Variants in DCC observed in about 807,000 individuals in gnomAD.
DCC encodes the protein DCC netrin 1 receptor.
DCC carries 58 observed loss-of-function variants against 172.5 expected under a neutral mutation model. That is an observed-to-expected ratio of 0.34 (90% confidence interval 0.27 to 0.42). The LOEUF (loss-of-function observed/expected upper bound fraction) is 0.42. Among genes scored for constraint, DCC ranks in the 10% least tolerant of loss-of-function variants. The pLI is 1.00. For synonymous variants in DCC, 709 were observed against 644.5 expected (o/e 1.10, Z -1.52); for missense variants, 1,740 against 1,791.0 (o/e 0.97, Z 0.51).
At chr18:52,374,762 T>C (rs1474244662) in intron 1 of DCC, among the ~76,000 whole-genome samples, 1 of 152,196 alleles carries the variant, frequency 6.6e-6, no homozygotes, top group African/African-American at 2.4e-5. Flanking sequence ...CCATTAGTCT[T>C]TAGTCAGAGC....
intron 2 of DCC, among the ~76,000 whole-genome samples, chr18:52,897,687 T>C (rs4940222): frequency 0.57 from 86,117 of 151,740 alleles, 24,797 homozygotes; most frequent in Middle Eastern, 0.62. Context: ...ATTCATTTGG[T>C]CATGTGATTG....
At chr18:52,953,126 C>T (rs2040685247) in intron 5 of DCC, among the ~76,000 whole-genome samples, 1 of 151,792 alleles carries the variant, frequency 6.6e-6, no homozygotes, top group Non-Finnish European at 1.5e-5. Context: ...GCTCAATCCC[C>T]AAGCAGTAAC....
chr18:52,690,843 G>C (rs527871660), intron 1 of DCC, among the ~76,000 whole-genome samples: 1 of 152,246 alleles, frequency 6.6e-6, no homozygotes, highest in South Asian at 2.1e-4. Flanking sequence ...TATGGTGTGA[G>C]TGATGCATTT....
chr18:52,819,438 A>C (rs187421014), intron 2 of DCC, among the ~76,000 whole-genome samples: 3 of 152,322 alleles, frequency 2.0e-5, no homozygotes, highest in Non-Finnish European at 2.9e-5. Flanking sequence ...ATTAGCTGAA[A>C]ATTATATATC....
chr18:53,276,940 T>C (rs1244747118), intron 12 of DCC, among the ~76,000 whole-genome samples: 1 of 151,874 alleles, frequency 6.6e-6, no homozygotes, highest in African/African-American at 2.4e-5. Context: ...GGGAAATAAT[T>C]TAAAAATAGT....
chr18:53,222,467 C>T (rs190668342), intron 12 of DCC, among the ~76,000 whole-genome samples: 58 of 149,420 alleles, frequency 3.9e-4, no homozygotes, highest in African/African-American at 1.4e-3. Context: ...TCACTGCAAC[C>T]TCTGCCTTCT....
intron 1 of DCC, among the ~76,000 whole-genome samples, chr18:52,692,364 T>C (rs1157563240): frequency 6.6e-6 from 1 of 152,160 alleles, no homozygotes; most frequent in Non-Finnish European, 1.5e-5. Flanking sequence ...CTCCTAAACC[T>C]CTGCCCTATA....
chr18:53,418,120 G>A (rs1000334165), intron 21 of DCC, among the ~76,000 whole-genome samples: 6 of 152,020 alleles, frequency 3.9e-5, no homozygotes, highest in African/African-American at 1.4e-4. Context: ...ATGTAACTTG[G>A]AGCCATATTC....
At chr18:53,280,966 A>C (rs1039373991) in intron 12 of DCC, among the ~76,000 whole-genome samples, 2 of 151,996 alleles carry the variant, frequency 1.3e-5, no homozygotes, top group Non-Finnish European at 2.9e-5. Context: ...ATAGAGAAAA[A>C]GTAGCAGTGT....
At chr18:52,962,645 C>T (rs1356739196) in intron 5 of DCC, among the ~76,000 whole-genome samples, 1 of 151,872 alleles carries the variant, frequency 6.6e-6, no homozygotes, top group African/African-American at 2.4e-5. Flanking sequence ...GCTATAAAGA[C>T]ACATGCACAT....
chr18:53,351,447 ATATATATATACACAGTGTG>A (rs1240148283), intron 15 of DCC, among the ~76,000 whole-genome samples: 31 of 47,390 alleles, frequency 6.5e-4, no homozygotes, highest in African/African-American at 8.3e-4. Context: ...TACAGTGTAT[ATATATATATACACAGTGTG>A]TATATATATA....
chr18:53,127,222 G>A (rs1249965620), intron 7 of DCC, among the ~76,000 whole-genome samples: 2 of 150,010 alleles, frequency 1.3e-5, no homozygotes, highest in Non-Finnish European at 3.0e-5. Flanking sequence ...GCCCGGTCTG[G>A]TCTTGAACTC....
chr18:53,324,441 G>C (rs944781195), intron 14 of DCC, among the ~76,000 whole-genome samples: 16 of 149,236 alleles, frequency 1.1e-4, no homozygotes, highest in African/African-American at 4.1e-4. Context: ...GATGGAGGTA[G>C]ATAGTGATAG....
At chr18:52,819,248 A>G (rs2038360318) in intron 2 of DCC, among the ~76,000 whole-genome samples, 2 of 152,194 alleles carry the variant, frequency 1.3e-5, no homozygotes, top group African/African-American at 2.4e-5. Context: ...AATCTTCCTC[A>G]TTGGTTCTAA....
chr18:53,132,671 A>C (rs2043675936), intron 7 of DCC, among the ~76,000 whole-genome samples: 1 of 152,164 alleles, frequency 6.6e-6, no homozygotes. Flanking sequence ...GAAGAGCAGG[A>C]GAGAGTGGTG....
intron 21 of DCC, among the ~76,000 whole-genome samples, chr18:53,425,551 G>A (rs1299516053): frequency 2.0e-5 from 3 of 151,664 alleles, no homozygotes; most frequent in Non-Finnish European, 4.4e-5. Flanking sequence ...TAGTAGCGGT[G>A]GGGTTTCACC....
At chr18:52,804,212 A>G (rs2038045409) in intron 2 of DCC, among the ~76,000 whole-genome samples, 1 of 150,648 alleles carries the variant, frequency 6.6e-6, no homozygotes, top group Non-Finnish European at 1.5e-5. Context: ...CATTCTGTTA[A>G]ACACTTTACA....
At chr18:52,472,143 C>G (rs149784044) in intron 1 of DCC, among the ~76,000 whole-genome samples, 4 of 152,174 alleles carry the variant, frequency 2.6e-5, no homozygotes, top group Admixed American at 6.5e-5. Context: ...GGATTTTGAG[C>G]AAGGTGTGAT....
intron 2 of DCC, among the ~76,000 whole-genome samples, chr18:52,901,704 G>A (rs1273560926): frequency 6.6e-6 from 1 of 152,156 alleles, no homozygotes; most frequent in African/African-American, 2.4e-5. Flanking sequence ...ATGCTGGAAA[G>A]TGACAGAGCC....
Sources: gnomAD v4.1 joint callset for allele counts (sites outside exome capture counted in the v4.1 genomes callset) on GRCh38, gnomAD v4.1.1 for gene constraint, MANE v1.5 for transcripts, NCBI Gene and HGNC (gene_info 2026-07-23, HGNC 2026-07-21) for gene names.